PDGFD: variants seen among roughly 807,000 people sequenced by gnomAD.
The protein encoded by PDGFD is platelet-derived growth factor D.
A neutral mutation model predicts 44.7 loss-of-function variants in PDGFD; 30 were observed. The ratio of observed to expected loss-of-function variants is 0.67; its 90% confidence interval spans 0.50 to 0.91. The LOEUF is 0.91. Among genes scored for constraint, PDGFD ranks in the 40% least tolerant of loss-of-function variants. The pLI is 0.00. For missense variants in PDGFD, 445 were observed against 457.8 expected (o/e 0.97, Z 0.25); for synonymous variants, 173 against 168.4 (o/e 1.03, Z -0.21).
intron 1 of PDGFD, among the ~76,000 whole-genome samples, chr11:104,148,417 CT>C (rs751985852): frequency 8.2e-4 from 125 of 152,096 alleles, no homozygotes; most frequent in Non-Finnish European, 1.5e-3. Flanking sequence ...CCACATGTGG[CT>C]ATCAAAGCTT....
chr11:104,004,150 G>C lies in PDGFD; in HGVS notation c.125-3895C>G, dbSNP rs532206402. 4.9e-4 allele frequency among the ~76,000 whole-genome samples: 75 copies of C among 152,214 alleles called. 1 individual carries two copies. Among genetic ancestry groups the C allele is most frequent in the African/African-American group, 1.6e-3 (65 of 41,540 alleles). On this transcript the variant is annotated intron_variant, in intron 1 of 6. Coordinates refer to ENST00000393158, the MANE Select transcript of PDGFD (RefSeq NM_025208.5). ...CACTGTCTTAAAGGTATTAACTCTG[G>C]TTATAAATGAATGCCAATTACATTT... is the stretch of plus-strand genomic sequence containing the variant.
chr11:104,100,056 C>T (rs1363735115), intron 1 of PDGFD, among the ~76,000 whole-genome samples: 3 of 152,022 alleles, frequency 2.0e-5, no homozygotes, highest in East Asian at 3.9e-4. Context: ...ATGCAAAAGT[C>T]GACTACATGC....
At chr11:103,965,748 G>T (rs1859009413) in intron 3 of PDGFD, among the ~76,000 whole-genome samples, 1 of 152,142 alleles carries the variant, frequency 6.6e-6, no homozygotes, top group Non-Finnish European at 1.5e-5. Context: ...CCCTTGAGAG[G>T]TCCTATCATT....
intron 1 of PDGFD, among the ~76,000 whole-genome samples, chr11:104,130,135 T>G (rs1256416160): frequency 6.6e-6 from 1 of 151,402 alleles, no homozygotes; most frequent in Admixed American, 6.6e-5. Flanking sequence ...AGTAGCACAA[T>G]AGGAGGCTGC....
chr11:104,063,720 T>TG (rs1395289663), intron 1 of PDGFD, among the ~76,000 whole-genome samples: 1 of 152,074 alleles, frequency 6.6e-6, no homozygotes, highest in Non-Finnish European at 1.5e-5. Context: ...GAGAGAATGA[T>TG]GGGGGAGGTG....
intron 1 of PDGFD, among the ~76,000 whole-genome samples, chr11:104,015,169 C>T (rs899760319): frequency 2.0e-5 from 3 of 152,194 alleles, no homozygotes; most frequent in Non-Finnish European, 4.4e-5. Flanking sequence ...AGAATACTTG[C>T]TTTTAAATCT....
intron 5 of PDGFD, among the ~76,000 whole-genome samples, chr11:103,932,185 G>GT (rs1034451404): frequency 1.8e-3 from 275 of 148,820 alleles, no homozygotes; most frequent in South Asian, 8.5e-3. Flanking sequence ...TTCAACATGA[G>GT]TTTTTTTTTT....
In PDGFD at chr11:104,065,755, C is replaced by T. The variant is rs142533577; in HGVS notation, c.125-65500G>A. Reference sequence around the variant, plus strand: ...CATCAAGGTGCTGTGAAAAACTGCCCTTGAATCGTTTGAAAACACAGTATT... The same window carrying T: ...CATCAAGGTGCTGTGAAAAACTGCCTTTGAATCGTTTGAAAACACAGTATT... On this transcript the variant is annotated intron_variant, in intron 1 of 6. Transcript: ENST00000393158. 6.1e-3 allele frequency among the ~76,000 whole-genome samples: 932 copies of T among 152,190 alleles called. 7 individuals carry two copies. The highest frequency in any genetic ancestry group is 0.021 in the African/African-American group (868 of 41,520).
chr11:103,992,208 G>A (rs1249471276), intron 3 of PDGFD, among the ~76,000 whole-genome samples: 1 of 152,112 alleles, frequency 6.6e-6, no homozygotes, highest in Non-Finnish European at 1.5e-5. Context: ...AATGAAATGA[G>A]GCAAATTTTA....
chr11:104,024,644 C>A (rs536213845), intron 1 of PDGFD, among the ~76,000 whole-genome samples: 1 of 152,104 alleles, frequency 6.6e-6, no homozygotes, highest in African/African-American at 2.4e-5. Flanking sequence ...TACCATACAG[C>A]GTTGTAGGTT....
intron 1 of PDGFD, among the ~76,000 whole-genome samples, chr11:104,101,852 C>T (rs1237744351): frequency 6.6e-6 from 1 of 150,800 alleles, no homozygotes; most frequent in Admixed American, 6.6e-5. Flanking sequence ...AATAAATGGT[C>T]CTGGGAAAAC....
intron 1 of PDGFD, among the ~76,000 whole-genome samples, chr11:104,092,715 T>C (rs1438591368): frequency 1.3e-5 from 2 of 152,110 alleles, no homozygotes; most frequent in African/African-American, 2.4e-5. Flanking sequence ...AAGCCTCTTT[T>C]AAAAAAGGTG....
At chr11:104,009,861 C>G (rs1315749160) in intron 1 of PDGFD, among the ~76,000 whole-genome samples, 1 of 152,132 alleles carries the variant, frequency 6.6e-6, no homozygotes, top group Non-Finnish European at 1.5e-5. Context: ...CTAGTGTTTG[C>G]TAACGCACTG....
chr11:104,008,389 T>C (rs1205822276), intron 1 of PDGFD, among the ~76,000 whole-genome samples: 1 of 152,112 alleles, frequency 6.6e-6, no homozygotes, highest in Admixed American at 6.6e-5. Flanking sequence ...TATATTAGCA[T>C]TAGATATAAT....
intron 3 of PDGFD, among the ~76,000 whole-genome samples, chr11:103,957,104 T>G (rs1858863484): frequency 6.6e-6 from 1 of 152,166 alleles, no homozygotes; most frequent in South Asian, 2.1e-4. Flanking sequence ...TGCCATTGCT[T>G]TTGGTGTTTT....
At chr11:104,012,305 G>C (rs1213617176) in intron 1 of PDGFD, among the ~76,000 whole-genome samples, 1 of 152,162 alleles carries the variant, frequency 6.6e-6, no homozygotes, top group Non-Finnish European at 1.5e-5. Context: ...TTGAAGCTAT[G>C]TATGAATACT....
At position 104,065,563 on chromosome 11, in the gene PDGFD, C is replaced by G. The variant is rs1860777996; in HGVS notation, c.125-65308G>C. Among the ~76,000 whole-genome samples the G allele has an allele frequency of 2.0e-5, 3 of 152,100 alleles. 1 individual carries two copies. In the South Asian group the frequency reaches 6.2e-4, roughly 32 times the overall value. On this transcript the variant is annotated intron_variant, in intron 1 of 6. Transcript: ENST00000393158. ...AAAATAAGAATGGAATATAAAACTT[C>G]TTAAAATAGAATTGGCTTTTAAAAA...
intron 1 of PDGFD, among the ~76,000 whole-genome samples, chr11:104,159,200 T>C (rs1862354276): frequency 6.6e-6 from 1 of 151,988 alleles, no homozygotes; most frequent in South Asian, 2.1e-4. Context: ...CTTTCATCTT[T>C]AGAAGGCAGT....
In PDGFD at chr11:103,908,912, T is replaced by A. The variant is rs939813761; in HGVS notation, c.*782A>T. ...ATTCTGTTACAGCTTATACATTGTC[T>A]TTTGTAGGACTATAATAAAAAACCT... On this transcript the variant is annotated 3_prime_UTR_variant, in exon 7 of 7. Coordinates refer to ENST00000393158, the MANE Select transcript of PDGFD (RefSeq NM_025208.5). 13 of 152,252 alleles carry A rather than the reference T, an allele frequency of 8.5e-5. No individual in the cohort carries two copies. Among genetic ancestry groups the A allele is most frequent in the Admixed American group, 7.9e-4 (12 of 15,282 alleles). The allele number at this position is 152,252 out of a possible 1,614,324, so 9.4% of individuals were successfully genotyped here.
Sources: gnomAD v4.1 joint callset for allele counts (sites outside exome capture counted in the v4.1 genomes callset) on GRCh38, gnomAD v4.1.1 for gene constraint, MANE v1.5 for transcripts, NCBI Gene and HGNC (gene_info 2026-07-23, HGNC 2026-07-21) for gene names.